Variants in APLF observed in about 807,000 individuals in gnomAD.
The protein encoded by APLF is aprataxin and PNKP like factor.
APLF carries 61 observed loss-of-function variants against 55.6 expected under a neutral mutation model. The observed-to-expected ratio is 1.10, with a 90% CI of 0.89 to 1.36. APLF has a LOEUF of 1.36. Ranked by LOEUF, APLF falls within the 40% of genes most tolerant of loss-of-function variation. The pLI is 0.00. For missense variants in APLF, 611 were observed against 602.5 expected, an observed-to-expected ratio of 1.01 and a Z score of -0.15; for synonymous variants, 207 against 214.8, an observed-to-expected ratio of 0.96 and a Z score of 0.32.
chr2:68,542,315 G>GT (rs1488980048), intron 7 of APLF, among the ~76,000 whole-genome samples: 1 of 152,032 alleles, frequency 6.6e-6, no homozygotes, highest in Admixed American at 6.6e-5. Flanking sequence ...ACTTTTTAAA[G>GT]TTAAAAACTT....
chr2:68,493,395 A>G (rs1198156180), intron 2 of APLF, among the ~76,000 whole-genome samples: 1 of 152,188 alleles, frequency 6.6e-6, no homozygotes, highest in African/African-American at 2.4e-5. Flanking sequence ...TGAGAGTCAA[A>G]CTATAAAACT....
At chr2:68,563,700 T>C (rs1440625865) in intron 8 of APLF, among the ~76,000 whole-genome samples, 1 of 152,104 alleles carries the variant, frequency 6.6e-6, no homozygotes, top group Non-Finnish European at 1.5e-5. Flanking sequence ...GACATTTAGT[T>C]ACTTGAGCAT....
In APLF at chr2:68,490,822, T is replaced by C. The variant is rs115658955; in HGVS notation, c.168+561T>C. 9.7e-4 allele frequency among the ~76,000 whole-genome samples: 147 copies of C among 152,308 alleles called. 3 individuals are homozygous for C. The South Asian group carries it at 0.016, about 17-fold the overall frequency. ...ACAGCCAGTTTCCAAGAATATACAA[T>C]GTGATTATTCCTTTTCATTTGCAGA... On this transcript the variant is annotated intron_variant, in intron 2 of 9. Coordinates refer to ENST00000303795, the MANE Select transcript of APLF (RefSeq NM_173545.3).
chr2:68,483,392 C>T (rs1420115489), intron 1 of APLF, among the ~76,000 whole-genome samples: 1 of 152,196 alleles, frequency 6.6e-6, no homozygotes. Context: ...GGAGATGGGA[C>T]AGCAGAGGCA....
chr2:68,471,520 C>T (rs143180230), intron 1 of APLF, among the ~76,000 whole-genome samples: 1 of 152,024 alleles, frequency 6.6e-6, no homozygotes, highest in Admixed American at 6.6e-5. Context: ...TGGGGACTGG[C>T]GCCAGGCTGA....
rs545904516 is a variant in APLF, at chr2:68,469,062, A to T, written c.96+1235A>T. Reference sequence around the variant, plus strand: ...GTGTACATGCACATGTGCATGTGGTAAGGTTATTGAGGAAGTAGATATTCA... The same window carrying T: ...GTGTACATGCACATGTGCATGTGGTTAGGTTATTGAGGAAGTAGATATTCA... On this transcript the variant is annotated intron_variant, in intron 1 of 9. Transcript: ENST00000303795. Among the ~76,000 whole-genome samples, 4 of 150,862 alleles carry T rather than the reference A, an allele frequency of 2.7e-5. No individual in the cohort carries two copies. The South Asian group carries it at 8.4e-4, about 32-fold the overall frequency.
chr2:68,570,655 G>C (rs1049260375), intron 9 of APLF, among the ~76,000 whole-genome samples: 3 of 152,064 alleles, frequency 2.0e-5, no homozygotes, highest in African/African-American at 7.2e-5. Flanking sequence ...AGTATTCCAC[G>C]GTGTATATGT....
chr2:68,480,624 G>C (rs776551922), intron 1 of APLF, among the ~76,000 whole-genome samples: 1 of 151,216 alleles, frequency 6.6e-6, no homozygotes, highest in Non-Finnish European at 1.5e-5. Flanking sequence ...TTACCTAATT[G>C]CTCTGGCTAG....
intron 1 of APLF, among the ~76,000 whole-genome samples, chr2:68,479,036 T>G (rs1436319194): frequency 6.6e-6 from 1 of 152,212 alleles, no homozygotes; most frequent in African/African-American, 2.4e-5. Flanking sequence ...AGAATTCTTT[T>G]GAACAATGCC....
At chr2:68,501,270 G>A (rs570604227) in intron 2 of APLF, among the ~76,000 whole-genome samples, 8 of 152,246 alleles carry the variant, frequency 5.3e-5, no homozygotes, top group African/African-American at 1.9e-4. Flanking sequence ...TGTCTTCAAA[G>A]ATGTGTCTTT....
chr2:68,524,586 C>G (rs1223563684), intron 5 of APLF, among the ~76,000 whole-genome samples: 1 of 152,208 alleles, frequency 6.6e-6, no homozygotes, highest in Non-Finnish European at 1.5e-5. Context: ...TCTGTTTACT[C>G]TCTGGCTTTT....
chr2:68,488,082 TA>T (rs891162554), intron 1 of APLF, among the ~76,000 whole-genome samples: 1 of 152,050 alleles, frequency 6.6e-6, no homozygotes, highest in Non-Finnish European at 1.5e-5. Context: ...AAATACAGTT[TA>T]AAAAAGGAAA....
chr2:68,471,932 A>G (rs1381365171), intron 1 of APLF, among the ~76,000 whole-genome samples: 1 of 152,116 alleles, frequency 6.6e-6, no homozygotes, highest in Non-Finnish European at 1.5e-5. Context: ...TGGTTTTTAT[A>G]TATTTTAGGG....
intron 5 of APLF, among the ~76,000 whole-genome samples, chr2:68,518,037 A>G (rs1274456414): frequency 7.2e-6 from 1 of 138,258 alleles, no homozygotes; most frequent in South Asian, 2.2e-4. Flanking sequence ...ATAATAATAT[A>G]TAACAGTAAT....
intron 2 of APLF, among the ~76,000 whole-genome samples, chr2:68,497,305 C>T (rs892245104): frequency 1.3e-5 from 2 of 152,196 alleles, no homozygotes; most frequent in Admixed American, 1.3e-4. Flanking sequence ...AATCTCATGT[C>T]GAACTGTAAT....
intron 1 of APLF, among the ~76,000 whole-genome samples, chr2:68,480,129 G>A (rs367688212): frequency 6.6e-6 from 1 of 151,974 alleles, no homozygotes; most frequent in East Asian, 1.9e-4. Flanking sequence ...AGTCAAGGTT[G>A]GTTCCCCTAA....
At chr2:68,553,355 A>T (rs1343536968) in intron 8 of APLF, among the ~76,000 whole-genome samples, 3 of 152,044 alleles carry the variant, frequency 2.0e-5, no homozygotes, top group Non-Finnish European at 4.4e-5. Flanking sequence ...TACTTAATAG[A>T]TTTATTTTGT....
intron 9 of APLF, among the ~76,000 whole-genome samples, chr2:68,576,500 G>A (rs1158723553): frequency 3.3e-5 from 5 of 151,984 alleles, no homozygotes; most frequent in Admixed American, 2.6e-4. Context: ...AAGAATCTTG[G>A]GGATAAATTT....
intron 5 of APLF, 35 bp from the exon 6 acceptor site, chr2:68,526,026 A>G: frequency 6.4e-7 from 1 of 1,553,572 alleles, no homozygotes; most frequent in South Asian, 1.2e-5. Context: ...GAAGATACAG[A>G]AGATAATTTT....
Sources: allele counts gnomAD v4.1 joint callset (sites outside exome capture counted in the v4.1 genomes callset), GRCh38; gene constraint gnomAD v4.1.1; transcripts MANE v1.5; gene names NCBI Gene and HGNC (gene_info 2026-07-23, HGNC 2026-07-21).